The following ANKFN1 variants were observed in gnomAD, a reference collection of about 807,000 sequenced individuals.
The protein encoded by ANKFN1 is ankyrin repeat and fibronectin type-III domain-containing protein 1.
In ANKFN1, 74 loss-of-function variants were observed where a neutral mutation model predicts 108.7. That is an observed-to-expected ratio of 0.68 (90% CI 0.56 to 0.83). The LOEUF (loss-of-function observed/expected upper bound fraction) is 0.83. Among genes scored for constraint, ANKFN1 ranks in the 40% least tolerant of loss-of-function variants. ANKFN1 has a pLI of 0.00. For synonymous variants in ANKFN1, 547 were observed against 516.2 expected, an observed-to-expected ratio of 1.06 and a Z score of -0.81; for missense variants, 1,505 against 1,382.3, an observed-to-expected ratio of 1.09 and a Z score of -1.41.
chr17:56,456,924 T>C lies in ANKFN1; in HGVS notation c.1271T>C (p.Phe424Ser), dbSNP rs1344394773. The change falls in exon 12 of 21, where the codon TTC (phenylalanine) becomes TCC (serine). Residue 424 changes from phenylalanine (F) to serine (S), a missense_variant. Phe to Ser is a radical substitution (Grantham distance 155). Coordinates refer to ENST00000682825, the MANE Select transcript of ANKFN1 (RefSeq NM_001370326.1). ...QSVSRSLKHL[F>S]HSSNKFVKTL... is the part of the protein sequence containing the mutation. Reference sequence around the variant, plus strand: ...GTCTCAAGAAGCCTGAAACACCTGTTCCATTCCTCGAACAAGTTTGTGAAG... The same window carrying C: ...GTCTCAAGAAGCCTGAAACACCTGTCCCATTCCTCGAACAAGTTTGTGAAG... 15 of 1,614,038 alleles carry C rather than the reference T, an allele frequency of 9.3e-6. No individual in the cohort carries two copies. Among genetic ancestry groups the C allele is most frequent in the Non-Finnish European group, 1.3e-5 (15 of 1,180,016 alleles).
intron 17 of ANKFN1, among the ~76,000 whole-genome samples, chr17:56,481,489 A>AACACACACACACACACACAC (rs57493335): frequency 6.7e-6 from 1 of 148,954 alleles, no homozygotes; most frequent in Non-Finnish European, 1.5e-5. Flanking sequence ...CCCTCCCCAA[A>AACACACACACACACACACAC]ACACACACAC....
At chr17:56,434,393 A>AAAG (rs1555652384) in intron 8 of ANKFN1, among the ~76,000 whole-genome samples, 4 of 150,904 alleles carry the variant, frequency 2.7e-5, no homozygotes, top group African/African-American at 9.7e-5. Flanking sequence ...AAAAAAAAAA[A>AAAG]AAGAAGAAGA....
intron 4 of ANKFN1, among the ~76,000 whole-genome samples, chr17:56,142,339 C>A (rs1013607934): frequency 6.6e-6 from 1 of 152,188 alleles, no homozygotes; most frequent in African/African-American, 2.4e-5. Context: ...AGTTGCAAAT[C>A]TCCTTATTGT....
At chr17:56,186,139 G>A (rs553647269) in intron 1 of ANKFN1, among the ~76,000 whole-genome samples, 4 of 152,186 alleles carry the variant, frequency 2.6e-5, no homozygotes, top group South Asian at 2.1e-4. Flanking sequence ...TTTGGAGGGG[G>A]GTGGGTAGTT....
At chr17:56,265,569 G>A (rs1323007750) in intron 3 of ANKFN1, among the ~76,000 whole-genome samples, 1 of 152,078 alleles carries the variant, frequency 6.6e-6, no homozygotes, top group Non-Finnish European at 1.5e-5. Context: ...AGAGATTTCG[G>A]GAGCCTGAAA....
rs1410938547 is a variant in ANKFN1 at position 56,440,536 on chromosome 17, A to G, written c.1008+112A>G. On this transcript the variant is annotated intron_variant, in intron 9 of 20. Coordinates refer to ENST00000682825, the MANE Select transcript of ANKFN1 (RefSeq NM_001370326.1). ...AGCCAACGCCCAGTCCTCTGGCAAC[A>G]ACTGCCACTCATTAAGCATGATATG... 3 of 729,312 alleles carry G rather than the reference A, an allele frequency of 4.1e-6. 1 individual carries two copies. The highest frequency in any genetic ancestry group is 7.0e-6 in the Non-Finnish European group (3 of 431,112). The allele number at this position is 729,312 out of a possible 1,614,324, so 45.2% of individuals were successfully genotyped here.
chr17:56,420,058 A>T (rs1290060077), intron 8 of ANKFN1, among the ~76,000 whole-genome samples: 1 of 152,134 alleles, frequency 6.6e-6, no homozygotes, highest in African/African-American at 2.4e-5. Flanking sequence ...ACCTTGGTAT[A>T]TATAATCTCA....
intron 8 of ANKFN1, among the ~76,000 whole-genome samples, chr17:56,377,946 C>G (rs573586173): frequency 2.2e-4 from 34 of 152,234 alleles, no homozygotes; most frequent in Middle Eastern, 3.4e-3. Flanking sequence ...AGTGCAGTAC[C>G]CGGGTTCTGG....
Position 56,512,036 on chromosome 17 carries a change from A to T in ANKFN1, c.*767A>T, listed in dbSNP as rs748641456. ...TCCCATCCAAGCATGAAAATGATCC[A>T]TAGATTTTTACAGGGGTCAAGGAGA... On this transcript the variant is annotated 3_prime_UTR_variant, in exon 21 of 21. Transcript: ENST00000682825. 5.3e-5 allele frequency among the ~76,000 whole-genome samples: 8 copies of T among 152,228 alleles called. No individual in the cohort carries two copies. The highest frequency in any genetic ancestry group is 6.5e-5 in the Admixed American group (1 of 15,286).
chr17:56,439,473 C>T (rs915510716), intron 8 of ANKFN1, among the ~76,000 whole-genome samples: 10 of 152,090 alleles, frequency 6.6e-5, no homozygotes, highest in African/African-American at 2.4e-4. Context: ...GTGATGAAAG[C>T]ATATGATATC....
intron 4 of ANKFN1, among the ~76,000 whole-genome samples, chr17:56,066,932 T>A (rs1404870824): frequency 6.6e-6 from 1 of 152,216 alleles, no homozygotes; most frequent in Non-Finnish European, 1.5e-5. Flanking sequence ...GGCTCACACC[T>A]GTAATCCCAG....
Position 56,314,156 on chromosome 17 carries a change from C to A in ANKFN1, c.54-12065C>A, listed in dbSNP as rs139787254. Among the ~76,000 whole-genome samples, 805 of 152,046 alleles carry A rather than the reference C, an allele frequency of 5.3e-3. 8 individuals are homozygous for A. The highest frequency in any genetic ancestry group is 0.018 in the African/African-American group (758 of 41,458). On this transcript the variant is annotated intron_variant, in intron 3 of 20. Coordinates refer to ENST00000682825, the MANE Select transcript of ANKFN1 (RefSeq NM_001370326.1). ...GTAATAGTCCATAGAATGAATATAC[C>A]ACAATTTGTTTAGCTATTACTCTAT...
upstream of ANKFN1, among the ~76,000 whole-genome samples, chr17:56,149,342 G>A (rs1040793124): frequency 2.0e-5 from 3 of 152,150 alleles, no homozygotes; most frequent in Admixed American, 6.5e-5. Flanking sequence ...TGTAGAAATA[G>A]AAAATGATGT....
intron 15 of ANKFN1, among the ~76,000 whole-genome samples, chr17:56,476,672 A>AT (rs1292433685): frequency 3.3e-5 from 5 of 152,246 alleles, no homozygotes; most frequent in Admixed American, 3.3e-4. Context: ...TTTGAAAAAC[A>AT]TAACACAAGC....
rs148096234 is a variant in ANKFN1, at chr17:56,066,938, C to G, written c.288+20613C>G. ...AGGTGTGGTGGCTCACACCTGTAAT[C>G]CCAGCACTTTGGGAGGCCAAGGCTG... On this transcript the variant is annotated intron_variant, in intron 4 of 12. Coordinates refer to the ANKFN1 transcript ENST00000635860. 5.9e-3 allele frequency among the ~76,000 whole-genome samples: 899 copies of G among 152,276 alleles called. 6 individuals carry two copies. Among genetic ancestry groups the G allele is most frequent in the African/African-American group, 0.021 (867 of 41,538 alleles).
At chr17:56,399,075 A>G (rs577881360) in intron 8 of ANKFN1, among the ~76,000 whole-genome samples, 1 of 152,266 alleles carries the variant, frequency 6.6e-6, no homozygotes, top group East Asian at 1.9e-4. Context: ...AAATACATAA[A>G]TTTCAATAAG....
At chr17:56,333,423 T>C (rs145527987) in intron 4 of ANKFN1, among the ~76,000 whole-genome samples, 457 of 152,284 alleles carry the variant, frequency 3.0e-3, no homozygotes, top group African/African-American at 0.01. Context: ...GATAATCATA[T>C]AGTTTTTCCT....
intron 3 of ANKFN1, among the ~76,000 whole-genome samples, chr17:56,268,668 A>T (rs574936438): frequency 2.6e-4 from 39 of 152,212 alleles, no homozygotes; most frequent in Admixed American, 2.3e-3. Flanking sequence ...AATAAATAAG[A>T]TTGATAAACT....
chr17:56,460,007 C>T (rs2049846010), intron 14 of ANKFN1, among the ~76,000 whole-genome samples: 2 of 151,526 alleles, frequency 1.3e-5, no homozygotes, highest in Admixed American at 1.3e-4. Context: ...TGGAAAAATC[C>T]CACGCCTGGA....
Sources: gnomAD v4.1 joint callset for allele counts (sites outside exome capture counted in the v4.1 genomes callset) on GRCh38, gnomAD v4.1.1 for gene constraint, MANE v1.5 for transcripts, NCBI Gene and HGNC (gene_info 2026-07-23, HGNC 2026-07-21) for gene names.